PCDHGA5: variants seen among roughly 807,000 people sequenced by gnomAD.
PCDHGA5 encodes the protein protocadherin gamma-A5.
PCDHGA5 carries 36 observed loss-of-function variants against 56.7 expected under a neutral mutation model. That is an observed-to-expected ratio of 0.64 (90% confidence interval 0.49 to 0.84). The LOEUF (loss-of-function observed/expected upper bound fraction) is 0.84. Among genes scored for constraint, PCDHGA5 ranks in the 40% least tolerant of loss-of-function variants. PCDHGA5 has a pLI of 0.00. For missense variants in PCDHGA5, 1,305 were observed against 1,201.5 expected (o/e 1.09, Z -1.27); for synonymous variants, 563 against 520.2 (o/e 1.08, Z -1.12).
chr5:141,485,151 T>G lies in PCDHGA5; in HGVS notation c.2422-9656T>G. The G allele has an allele frequency of 2.5e-6, 4 of 1,584,876 alleles. No individual in the cohort carries two copies. Among genetic ancestry groups the G allele is most frequent in the Non-Finnish European group, 3.5e-6 (4 of 1,156,528 alleles). ...GCTTCATCCGCGTCTCAGGAGCAAG[T>G]AGAGAATTAGCGGGCGGCAGCAATG... On this transcript the variant is annotated intron_variant, in intron 1 of 3. Coordinates refer to ENST00000518069, the MANE Select transcript of PCDHGA5 (RefSeq NM_018918.3). The surrounding 1 kb of genome is among the most constrained non-coding windows in gnomAD (Gnocchi z 5.7).
chr5:141,376,252 C>G (rs756828511), intron 1 of PCDHGA5: 1 of 1,614,248 alleles, frequency 6.2e-7, no homozygotes, highest in Non-Finnish European at 8.5e-7. Context: ...ACAAGTCACG[C>G]CTGCTGCAGG....
chr5:141,393,484 G>A, intron 1 of PCDHGA5: 1 of 1,614,058 alleles, frequency 6.2e-7, no homozygotes, highest in Non-Finnish European at 8.5e-7. Context: ...CCTCGCTCTA[G>A]CACAGTGCGC....
chr5:141,449,098 G>A (rs1314761371), intron 1 of PCDHGA5, among the ~76,000 whole-genome samples: 1 of 152,140 alleles, frequency 6.6e-6, no homozygotes, highest in Admixed American at 6.5e-5. Context: ...TTTTACATAT[G>A]CAGTATATCT....
At position 141,420,019 on chromosome 5, in the gene PCDHGA5, C is replaced by T. The variant is rs2096459006; in HGVS notation, c.2421+53268C>T. 13 of 1,614,072 alleles carry T rather than the reference C, an allele frequency of 8.1e-6. No homozygotes were observed. In the East Asian group the frequency reaches 2.7e-4, roughly 33 times the overall value. On this transcript the variant is annotated intron_variant, in intron 1 of 3. Coordinates refer to ENST00000518069, the MANE Select transcript of PCDHGA5 (RefSeq NM_018918.3). ...CTCTACGCCTGCGACAGTCTTTCAGCCCTACTGCAGGAGACTGCTTTGAGT... is the reference window on the plus strand; with the variant it reads ...CTCTACGCCTGCGACAGTCTTTCAGTCCTACTGCAGGAGACTGCTTTGAGT...
At chr5:141,383,997 T>C (rs1160859584) in intron 1 of PCDHGA5, 1 of 1,613,870 alleles carries the variant, frequency 6.2e-7, no homozygotes, top group Admixed American at 1.7e-5. Flanking sequence ...GGACAGTCAT[T>C]GCTCTTTTCT....
Position 141,476,667 on chromosome 5 carries a change from T to C in PCDHGA5, c.2422-18140T>C. 6.2e-7 allele frequency: 1 copy of C among 1,614,234 alleles called. No individual in the cohort carries two copies. Among genetic ancestry groups the C allele is most frequent in the Non-Finnish European group, 8.5e-7 (1 of 1,180,042 alleles). ...CGAAATGAATACTTTGCGCTTCGCG[T>C]GCAGACGCGGGAGGACAGCACCAAG... On this transcript the variant is annotated intron_variant, in intron 1 of 3. Transcript: ENST00000518069. The surrounding 1 kb of genome is among the most constrained non-coding windows in gnomAD (Gnocchi z 7.6).
rs748660721 is a variant in PCDHGA5 at position 141,485,346 on chromosome 5, G to A, written c.2422-9461G>A. The A allele has an allele frequency of 1.2e-6, 2 of 1,614,178 alleles. No individual in the cohort carries two copies. Among genetic ancestry groups the A allele is most frequent in the South Asian group, 2.2e-5 (2 of 91,088 alleles). ...CAAGATTTCCTGCTGGATACGGACA[G>A]TCTGTCAGCTCGCAGGCTGCAGGTC... On this transcript the variant is annotated intron_variant, in intron 1 of 3. Transcript: ENST00000518069. This position sits in a 1 kb window ranked among gnomAD's most constrained non-coding sequence, Gnocchi z 5.7.
Position 141,493,775 on chromosome 5 carries a change from G to A in PCDHGA5, c.2422-1032G>A, listed in dbSNP as rs1434978072. ...CCTTGAGTGAGCCACTGGCAGTTCCGGAGCTTCCTTCTCCCTGGAGTAATC... is the reference window on the plus strand; with the variant it reads ...CCTTGAGTGAGCCACTGGCAGTTCCAGAGCTTCCTTCTCCCTGGAGTAATC... On this transcript the variant is annotated intron_variant, in intron 1 of 3. Coordinates refer to ENST00000518069, the MANE Select transcript of PCDHGA5 (RefSeq NM_018918.3). The surrounding 1 kb of genome is among the most constrained non-coding windows in gnomAD (Gnocchi z 4.3). Among the ~76,000 whole-genome samples, 1 of 152,094 alleles carries A rather than the reference G, an allele frequency of 6.6e-6. No individual in the cohort carries two copies. The highest frequency in any genetic ancestry group is 6.5e-5 in the Admixed American group (1 of 15,272).
intron 1 of PCDHGA5, chr5:141,391,114 A>G (rs2092301730): frequency 6.6e-6 from 1 of 152,176 alleles, no homozygotes; most frequent in African/African-American, 2.4e-5. Context: ...TAATATAGCT[A>G]GAGGTCTTCT....
intron 2 of PCDHGA5, among the ~76,000 whole-genome samples, chr5:141,499,689 CTTTTTTT>C (rs545067566): frequency 8.3e-6 from 1 of 119,856 alleles, no homozygotes; most frequent in Non-Finnish European, 1.7e-5. Flanking sequence ...TAACAGATGA[CTTTTTTT>C]TTTTTTTTTT....
At position 141,432,651 on chromosome 5, in the gene PCDHGA5, C is replaced by A; in HGVS notation, c.2422-62156C>A. 2.5e-6 allele frequency: 4 copies of A among 1,613,824 alleles called. No individual in the cohort carries two copies. The highest frequency in any genetic ancestry group is 1.1e-5 in the South Asian group (1 of 91,058). ...ACGGGCGAGGTGCGCACGGCGCGAG[C>A]CCTGCTGGACAGAGACGCGCTCAAG... On this transcript the variant is annotated intron_variant, in intron 1 of 3. Coordinates refer to ENST00000518069, the MANE Select transcript of PCDHGA5 (RefSeq NM_018918.3). This position sits in a 1 kb window ranked among gnomAD's most constrained non-coding sequence, Gnocchi z 6.0.
chr5:141,394,836 T>C (rs116789057), intron 1 of PCDHGA5: 14 of 1,613,630 alleles, frequency 8.7e-6, no homozygotes, highest in South Asian at 1.1e-5. Flanking sequence ...CCTGACCGAG[T>C]TGGGCAGTCT....
intron 1 of PCDHGA5, among the ~76,000 whole-genome samples, chr5:141,467,421 G>T (rs957302311): frequency 6.6e-6 from 1 of 152,100 alleles, no homozygotes; most frequent in African/African-American, 2.4e-5. Flanking sequence ...CCACACCTAG[G>T]TTATAGAAAC....
chr5:141,414,475 C>T (rs2095752413), intron 1 of PCDHGA5: 1 of 1,613,804 alleles, frequency 6.2e-7, no homozygotes, highest in Non-Finnish European at 8.5e-7. Flanking sequence ...TGGGGGAAGT[C>T]CTCCTCTATC....
chr5:141,476,665 C>T lies in PCDHGA5; in HGVS notation c.2422-18142C>T. On this transcript the variant is annotated intron_variant, in intron 1 of 3. Coordinates refer to ENST00000518069, the MANE Select transcript of PCDHGA5 (RefSeq NM_018918.3). This position sits in a 1 kb window ranked among gnomAD's most constrained non-coding sequence, Gnocchi z 7.6. ...GCCGAAATGAATACTTTGCGCTTCG[C>T]GTGCAGACGCGGGAGGACAGCACCA... 6.2e-7 allele frequency: 1 copy of T among 1,614,240 alleles called. No homozygotes were observed. Among genetic ancestry groups the T allele is most frequent in the East Asian group, 2.2e-5 (1 of 44,882 alleles).
intron 3 of PCDHGA5, among the ~76,000 whole-genome samples, chr5:141,509,022 C>G (rs2099873807): frequency 6.6e-6 from 1 of 152,206 alleles, no homozygotes; most frequent in East Asian, 1.9e-4. Context: ...CAGCTGCTCC[C>G]TCCCACTCAA....
In PCDHGA5 at chr5:141,486,518, A is replaced by G; in HGVS notation, c.2422-8289A>G. The G allele has an allele frequency of 6.2e-7, 1 of 1,614,132 alleles. No homozygotes were observed. Among genetic ancestry groups the G allele is most frequent in the Non-Finnish European group, 8.5e-7 (1 of 1,179,996 alleles). On this transcript the variant is annotated intron_variant, in intron 1 of 3. Coordinates refer to ENST00000518069, the MANE Select transcript of PCDHGA5 (RefSeq NM_018918.3). The surrounding 1 kb of genome is among the most constrained non-coding windows in gnomAD (Gnocchi z 5.0). ...TATTTTCCTCAATATTTCAGATGTG[A>G]ATGATAATCCACCCTCTTTCTTTCA...
intron 1 of PCDHGA5, chr5:141,398,825 C>A (rs747230922): frequency 6.2e-7 from 1 of 1,613,994 alleles, no homozygotes; most frequent in South Asian, 1.1e-5. Flanking sequence ...ATCCAGGTAA[C>A]CGACGCCAAT....
intron 1 of PCDHGA5, chr5:141,384,393 G>A (rs763875742): frequency 1.2e-6 from 2 of 1,613,790 alleles, no homozygotes; most frequent in Non-Finnish European, 1.7e-6. Context: ...CCATCCAGGG[G>A]GCTCCAGTGT....
Sources: gnomAD v4.1 joint callset for allele counts (sites outside exome capture counted in the v4.1 genomes callset) on GRCh38, gnomAD v4.1.1 for gene constraint, Gnocchi (gnomAD v3.1) non-coding constraint, MANE v1.5 for transcripts, NCBI Gene and HGNC (gene_info 2026-07-23, HGNC 2026-07-21) for gene names.